The following PPP2R2B variants were observed in gnomAD, a reference collection of about 807,000 sequenced individuals.
PPP2R2B encodes serine/threonine-protein phosphatase 2A 55 kDa regulatory subunit B beta isoform.
Under a neutral mutation model 46.0 loss-of-function variants are expected in PPP2R2B, and 5 were observed. The ratio of observed to expected loss-of-function variants is 0.11; its 90% CI spans 0.06 to 0.23. PPP2R2B has a LOEUF of 0.23. Ranked by LOEUF, PPP2R2B falls within the 10% of genes least tolerant of loss-of-function variation. The pLI is 1.00. For missense variants in PPP2R2B, 367 were observed against 575.0 expected (o/e 0.64, Z 3.70); for synonymous variants, 215 against 206.7 (o/e 1.04, Z -0.34).
At chr5:146,951,136 A>C (rs1441209009) in intron 1 of PPP2R2B, among the ~76,000 whole-genome samples, 1 of 151,920 alleles carries the variant, frequency 6.6e-6, no homozygotes, top group Non-Finnish European at 1.5e-5. Context: ...GATTTAAATA[A>C]AGCATTATTT....
At chr5:147,003,728 G>T (rs1386250475) in intron 1 of PPP2R2B, among the ~76,000 whole-genome samples, 1 of 152,078 alleles carries the variant, frequency 6.6e-6, no homozygotes, top group Non-Finnish European at 1.5e-5. Flanking sequence ...AACATTTGTT[G>T]ACCTGTGTTC....
chr5:146,838,148 C>G (rs374728319), intron 2 of PPP2R2B, among the ~76,000 whole-genome samples: 2 of 152,096 alleles, frequency 1.3e-5, no homozygotes, highest in Non-Finnish European at 2.9e-5. Flanking sequence ...TTGGTAGACC[C>G]TGTGTTGGTA....
chr5:146,718,593 G>A (rs1780624257), intron 2 of PPP2R2B, among the ~76,000 whole-genome samples: 3 of 152,082 alleles, frequency 2.0e-5, no homozygotes, highest in Admixed American at 6.5e-5. Flanking sequence ...TCTATGCTGA[G>A]CTAATCATAT....
At chr5:146,660,712 A>G (rs890127826) in intron 5 of PPP2R2B, among the ~76,000 whole-genome samples, 1 of 152,234 alleles carries the variant, frequency 6.6e-6, no homozygotes, top group African/African-American at 2.4e-5. Flanking sequence ...TGGCTTTGTC[A>G]TACAGATTGA....
intron 7 of PPP2R2B, 111 bp from the exon 8 acceptor site, chr5:146,600,571 T>C: frequency 9.5e-7 from 1 of 1,048,658 alleles, no homozygotes; most frequent in South Asian, 1.6e-5. Context: ...TAAGTAGGGC[T>C]GGTGTCTGCA....
chr5:146,757,405 C>T (rs534869808), intron 2 of PPP2R2B, among the ~76,000 whole-genome samples: 234 of 152,156 alleles, frequency 1.5e-3, no homozygotes, highest in African/African-American at 4.6e-3. Flanking sequence ...GATTGTGGAA[C>T]GGAGGGACCA....
At chr5:146,956,817 C>T (rs1288366238) in intron 1 of PPP2R2B, among the ~76,000 whole-genome samples, 1 of 152,164 alleles carries the variant, frequency 6.6e-6, no homozygotes, top group Non-Finnish European at 1.5e-5. Context: ...TCCTGGTTTG[C>T]AGATGGCCAT....
At chr5:146,707,354 C>G in intron 2 of PPP2R2B, 1 of 844,632 alleles carries the variant, frequency 1.2e-6, no homozygotes, top group Non-Finnish European at 2.1e-6. Context: ...TGGGTGCACA[C>G]AGCATGGATG....
chr5:146,948,995 C>T (rs1217170266), intron 1 of PPP2R2B, among the ~76,000 whole-genome samples: 1 of 152,036 alleles, frequency 6.6e-6, no homozygotes, highest in Non-Finnish European at 1.5e-5. Flanking sequence ...GGTTTGGGGT[C>T]ATGTATCTGT....
chr5:147,050,919 AT>A (rs1756782421), intron 1 of PPP2R2B, among the ~76,000 whole-genome samples: 1 of 151,918 alleles, frequency 6.6e-6, no homozygotes. Flanking sequence ...TTGAAGGAGC[AT>A]TGTTGATAGA....
chr5:146,707,517 G>A (rs1779937173), intron 2 of PPP2R2B: 3 of 731,878 alleles, frequency 4.1e-6, no homozygotes, highest in Admixed American at 1.9e-5. Context: ...CAGACACCAG[G>A]CCCACTCGTG....
chr5:146,846,090 T>C (rs1056608736), intron 2 of PPP2R2B, among the ~76,000 whole-genome samples: 1 of 152,202 alleles, frequency 6.6e-6, no homozygotes, highest in Non-Finnish European at 1.5e-5. Flanking sequence ...TTAAAATTAA[T>C]TTTATCTGGC....
Position 147,023,478 on chromosome 5 carries a change from C to A in PPP2R2B, c.79+32187G>T, listed in dbSNP as rs560505881. Among the ~76,000 whole-genome samples the A allele has an allele frequency of 1.4e-4, 22 of 152,226 alleles. No individual in the cohort carries two copies. In the South Asian group the frequency reaches 4.4e-3, roughly 30 times the overall value. Reference sequence around the variant, plus strand: ...TAAAAATGCAAGACCCAACTAAATACTGCCTAAAAATATACACTTTAAATA... The same window carrying A: ...TAAAAATGCAAGACCCAACTAAATAATGCCTAAAAATATACACTTTAAATA... On this transcript the variant is annotated intron_variant, in intron 1 of 8. Transcript: ENST00000336640.
chr5:146,891,091 A>G (rs886125966), intron 1 of PPP2R2B, among the ~76,000 whole-genome samples: 1 of 152,214 alleles, frequency 6.6e-6, no homozygotes, highest in African/African-American at 2.4e-5. Context: ...GCTGTCACAG[A>G]TACAGCACTT....
intron 5 of PPP2R2B, among the ~76,000 whole-genome samples, chr5:146,656,110 A>T (rs923827870): frequency 4.6e-5 from 7 of 152,098 alleles, no homozygotes; most frequent in African/African-American, 1.7e-4. Context: ...ACAACAGTGA[A>T]CTCTCTGTGG....
intron 2 of PPP2R2B, among the ~76,000 whole-genome samples, chr5:146,877,524 G>A (rs1473998866): frequency 6.6e-6 from 1 of 152,144 alleles, no homozygotes; most frequent in South Asian, 2.1e-4. Flanking sequence ...GGTTTTGATT[G>A]TCTAAGCAGG....
At chr5:146,628,669 A>T (rs551263592) in intron 7 of PPP2R2B, among the ~76,000 whole-genome samples, 12 of 152,350 alleles carry the variant, frequency 7.9e-5, no homozygotes, top group Admixed American at 5.9e-4. Flanking sequence ...CTACTGCAGA[A>T]CCTACCCTGT....
At chr5:146,711,112 T>C (rs915098343) in intron 2 of PPP2R2B, among the ~76,000 whole-genome samples, 1 of 152,230 alleles carries the variant, frequency 6.6e-6, no homozygotes, top group African/African-American at 2.4e-5. Context: ...ATCACAATGA[T>C]ATTAGAATCA....
At chr5:146,712,284 T>G (rs1219474376) in intron 2 of PPP2R2B, among the ~76,000 whole-genome samples, 1 of 152,208 alleles carries the variant, frequency 6.6e-6, no homozygotes, top group East Asian at 1.9e-4. Flanking sequence ...CTAGGAGTTG[T>G]GGTATTTTGA....
Sources: gnomAD v4.1 joint callset for allele counts (sites outside exome capture counted in the v4.1 genomes callset) on GRCh38, gnomAD v4.1.1 for gene constraint, MANE v1.5 for transcripts, NCBI Gene and HGNC (gene_info 2026-07-23, HGNC 2026-07-21) for gene names.